The following GDF10 variants were observed in gnomAD, a reference collection of about 807,000 sequenced individuals.
GDF10 encodes the protein growth differentiation factor 10.
Under a neutral mutation model 32.1 loss-of-function variants are expected in GDF10, and 23 were observed. That is an observed-to-expected ratio of 0.72 (90% CI 0.52 to 1.02). The LOEUF (loss-of-function observed/expected upper bound fraction) is 1.02. Among genes scored for constraint, GDF10 ranks in the 50% least tolerant of loss-of-function variants. The pLI is 0.00. For missense variants in GDF10, 764 were observed against 673.9 expected (o/e 1.13, Z -1.48); for synonymous variants, 328 against 303.1 (o/e 1.08, Z -0.85).
intron 1 of GDF10, among the ~76,000 whole-genome samples, chr10:47,308,135 G>A (rs370909798): frequency 6.6e-6 from 1 of 152,160 alleles, no homozygotes; most frequent in African/African-American, 2.4e-5. Context: ...CCCAGATGCT[G>A]CAGATACACC....
intron 1 of GDF10, among the ~76,000 whole-genome samples, chr10:47,308,520 C>T (rs980169457): frequency 1.3e-4 from 20 of 152,030 alleles, no homozygotes; most frequent in Admixed American, 1.0e-3. Flanking sequence ...TTCTTCCCAA[C>T]AGAAACAAAG....
At chr10:47,312,143 C>A (rs2061048751) in intron 2 of GDF10, among the ~76,000 whole-genome samples, 1 of 152,240 alleles carries the variant, frequency 6.6e-6, no homozygotes, top group Admixed American at 6.5e-5. Context: ...CTGCCACGCA[C>A]ATGCCAGGCC....
intron 1 of GDF10, among the ~76,000 whole-genome samples, chr10:47,306,310 A>G (rs1184803291): frequency 3.3e-5 from 5 of 152,236 alleles, no homozygotes; most frequent in African/African-American, 1.2e-4. Flanking sequence ...CACTGTCTCC[A>G]TTTGGATTTG....
At chr10:47,301,185 C>T (rs1053172928) in intron 1 of GDF10, among the ~76,000 whole-genome samples, 1 of 152,242 alleles carries the variant, frequency 6.6e-6, no homozygotes, top group Non-Finnish European at 1.5e-5. Flanking sequence ...GGTCCTGCCC[C>T]TGGGGTGCTC....
At chr10:47,310,808 C>T in intron 2 of GDF10, 87 bp downstream of exon 2, 1 of 885,508 alleles carries the variant, frequency 1.1e-6, no homozygotes, top group South Asian at 1.5e-5. Context: ...CTTCTGTTTC[C>T]CCATCTGCAA....
At chr10:47,304,443 GGA>G (rs1287964158) in intron 1 of GDF10, among the ~76,000 whole-genome samples, 2 of 130,616 alleles carry the variant, frequency 1.5e-5, no homozygotes, top group Non-Finnish European at 3.3e-5. Context: ...GAGGGATAAA[GGA>G]GAGAGAGTGA....
rs782254894 is a variant in GDF10, at chr10:47,310,533, C to G, written c.1057C>G (p.Gln353Glu). Residue 353 changes from glutamine (Q) to glutamate (E), a missense_variant, in exon 2 of 3, where the codon CAG becomes GAG. Transcript: ENST00000580279. ...KGQEVFMAAS[Q>E]VLDFDEKTMQ... Reference sequence around the variant, plus strand: ...CCAGGAGGTGTTCATGGCCGCCTCGCAGGTGCTGGACTTTGACGAGAAGAC... The same window carrying G: ...CCAGGAGGTGTTCATGGCCGCCTCGGAGGTGCTGGACTTTGACGAGAAGAC... 2 of 1,613,818 alleles carry G rather than the reference C, an allele frequency of 1.2e-6. No individual in the cohort carries two copies. Among genetic ancestry groups the G allele is most frequent in the East Asian group, 2.2e-5 (1 of 44,868 alleles).
chr10:47,300,641 C>T lies in GDF10; in HGVS notation c.-11C>T, dbSNP rs782222181. The T allele has an allele frequency of 6.3e-7, 1 of 1,582,026 alleles. No homozygotes were observed. The highest frequency in any genetic ancestry group is 8.6e-7 in the Non-Finnish European group (1 of 1,166,866). ...TCCTGGACTTCGGCCCTTTGCCGCC[C>T]TCACCACGCCATGGCTCATGTCCCC... On this transcript the variant is annotated 5_prime_UTR_variant, in exon 1 of 3. Coordinates refer to ENST00000580279, the MANE Select transcript of GDF10 (RefSeq NM_004962.5).
rs3007 is a variant in GDF10 at position 47,313,015 on chromosome 10, A to T, written c.*223A>T. 85,501 of 406,996 alleles carry T rather than the reference A, an allele frequency of 0.21. 9,443 individuals are homozygous for T. Among genetic ancestry groups the T allele is most frequent in the East Asian group, 0.32 (8,524 of 26,426 alleles). The allele number at this position is 406,996 out of a possible 1,614,324, so 25.2% of individuals were successfully genotyped here. On this transcript the variant is annotated 3_prime_UTR_variant, in exon 3 of 3. Coordinates refer to ENST00000580279, the MANE Select transcript of GDF10 (RefSeq NM_004962.5). ...GAGTACCTGAAGGAATCTGGGAATT[A>T]GCCCTGGCCTGAAAGTGGCCCATCA...
rs2060999024 is a variant in GDF10 at position 47,300,424 on chromosome 10, C to A, written c.-228C>A. 1 of 486,262 alleles carries A rather than the reference C, an allele frequency of 2.1e-6. No individual in the cohort carries two copies. The allele number at this position is 486,262 out of a possible 1,614,324, so 30.1% of individuals were successfully genotyped here. On this transcript the variant is annotated 5_prime_UTR_variant, in exon 1 of 3. Coordinates refer to ENST00000580279, the MANE Select transcript of GDF10 (RefSeq NM_004962.5). ...CGGCTCGGCTCTGCGCTGCTCCGGA[C>A]GGCTGTGACCGCTGGCCGGGGGCTC...
chr10:47,300,764 C>A lies in GDF10; in HGVS notation c.113C>A (p.Pro38His). 2 of 1,569,678 alleles carry A rather than the reference C, an allele frequency of 1.3e-6. No homozygotes were observed. Among genetic ancestry groups the A allele is most frequent in the East Asian group, 2.3e-5 (1 of 42,702 alleles). ...GATGTGGCCGGCAGCCACAGGGCCC[C>A]CGCCTGGTCCGCACTGCCCGCGGCC... The part of the protein sequence containing the change: ...LRDVAGSHRA[P>H]AWSALPAAAD... The change falls in exon 1 of 3, where the codon CCC (proline) becomes CAC (histidine). Residue 38 changes from proline to histidine, a missense_variant. Transcript: ENST00000580279.
chr10:47,310,861 A>G (rs925432589), intron 2 of GDF10, 140 bp downstream of exon 2: 6 of 632,126 alleles, frequency 9.5e-6, no homozygotes, highest in East Asian at 2.7e-5. Flanking sequence ...GGCAGGAAAT[A>G]GGTAGACATA....
chr10:47,306,854 G>A (rs559120352), intron 1 of GDF10, among the ~76,000 whole-genome samples: 15 of 152,264 alleles, frequency 9.9e-5, no homozygotes, highest in Admixed American at 2.0e-4. Flanking sequence ...CCAGTGTGAC[G>A]GGGGCAGAGG....
intron 1 of GDF10, among the ~76,000 whole-genome samples, chr10:47,309,131 G>C (rs946558384): frequency 2.0e-5 from 3 of 152,214 alleles, no homozygotes; most frequent in African/African-American, 7.2e-5. Flanking sequence ...TAATCCTGAT[G>C]CTGCTCTTTT....
At position 47,310,689 on chromosome 10, in the gene GDF10, T is replaced by A. The variant is rs1240697070; in HGVS notation, c.1213T>A (p.Cys405Ser). ...ACCGAAATCTTTTGATGCCTACTAC[T>A]GCGCGGGAGCATGTGAGTTCCCCAT... is the stretch of plus-strand genomic sequence containing the variant. ...ISPKSFDAYYCAGACEFPMPK... is the reference protein window; with the variant it reads ...ISPKSFDAYYSAGACEFPMPK... Residue 405 changes from cysteine (C) to serine (S), a missense_variant, in exon 2 of 3, where the codon TGC becomes AGC. Cys to Ser is a moderately radical substitution (Grantham distance 112). Coordinates refer to ENST00000580279, the MANE Select transcript of GDF10 (RefSeq NM_004962.5). The A allele has an allele frequency of 6.2e-7, 1 of 1,613,712 alleles. No homozygotes were observed. Among genetic ancestry groups the A allele is most frequent in the Non-Finnish European group, 8.5e-7 (1 of 1,179,724 alleles).
rs782390160 is a variant in GDF10 at position 47,300,656 on chromosome 10, C to G, written c.5C>G (p.Ala2Gly). 1.9e-6 allele frequency: 3 copies of G among 1,596,700 alleles called. No homozygotes were observed. Among genetic ancestry groups the G allele is most frequent in the Non-Finnish European group, 1.7e-6 (2 of 1,174,080 alleles). M[A>G]HVPARTSPGP... ...CTTTGCCGCCCTCACCACGCCATGGCTCATGTCCCCGCTCGGACCAGCCCG... is the reference window on the plus strand; with the variant it reads ...CTTTGCCGCCCTCACCACGCCATGGGTCATGTCCCCGCTCGGACCAGCCCG... The change falls in exon 1 of 3, where the codon GCT (alanine) becomes GGT (glycine). Residue 2 changes from alanine to glycine, a missense_variant. Transcript: ENST00000580279.
chr10:47,308,020 G>A (rs1295253703), intron 1 of GDF10, among the ~76,000 whole-genome samples: 11 of 152,338 alleles, frequency 7.2e-5, no homozygotes, highest in African/African-American at 9.6e-5. Flanking sequence ...GGTTCAGGGC[G>A]TGGCGCCACT....
chr10:47,312,237 C>T (rs924406382), intron 2 of GDF10, among the ~76,000 whole-genome samples: 1 of 152,220 alleles, frequency 6.6e-6, no homozygotes, highest in Non-Finnish European at 1.5e-5. Context: ...GCTGGCATCT[C>T]GCTGGGTTTT....
chr10:47,306,932 G>A (rs2061025135), intron 1 of GDF10, among the ~76,000 whole-genome samples: 1 of 152,172 alleles, frequency 6.6e-6, no homozygotes, highest in African/African-American at 2.4e-5. Flanking sequence ...GTAAGGCCTT[G>A]GTAAGGGGTT....
Sources: gnomAD v4.1 joint callset for allele counts (sites outside exome capture counted in the v4.1 genomes callset) on GRCh38, gnomAD v4.1.1 for gene constraint, MANE v1.5 for transcripts, NCBI Gene and HGNC (gene_info 2026-07-23, HGNC 2026-07-21) for gene names.